MTG1: variants seen among roughly 807,000 people sequenced by gnomAD.
The protein encoded by MTG1 is mitochondrial ribosome-associated GTPase 1.
In MTG1, 30 loss-of-function variants were observed where a neutral mutation model predicts 39.5. That is an observed-to-expected ratio of 0.76 (90% CI 0.57 to 1.03). The LOEUF (loss-of-function observed/expected upper bound fraction) is 1.03, where lower values mean the gene tolerates loss of function less well. MTG1 is among the 50% of genes least tolerant of loss of function. The pLI is 0.00. For missense variants in MTG1, 513 were observed against 447.4 expected, an observed-to-expected ratio of 1.15 and a Z score of -1.32; for synonymous variants, 217 against 179.0, an observed-to-expected ratio of 1.21 and a Z score of -1.69.
intron 9 of MTG1, among the ~76,000 whole-genome samples, chr10:133,413,342 A>G (rs559982107): frequency 4.6e-5 from 7 of 151,342 alleles, no homozygotes; most frequent in East Asian, 3.9e-4. Context: ...TTGAACTCCT[A>G]ATCTCAGGTG....
At chr10:133,397,135 C>T (rs2133491746) in intron 3 of MTG1, among the ~76,000 whole-genome samples, 1 of 152,326 alleles carries the variant, frequency 6.6e-6, no homozygotes, top group Middle Eastern at 3.4e-3. Context: ...GATGTTCCAT[C>T]TTGTACACCT....
rs576101588 is a variant in MTG1, at chr10:133,404,387, A to G, written c.752+1614A>G. ...AGGGATCTGCCCGCCTCAGCCTCCC[A>G]AAGCATTAGGATTATAGGCATGAGG... On this transcript the variant is annotated intron_variant, in intron 9 of 10. Transcript: ENST00000317502. Among the ~76,000 whole-genome samples, 806 of 152,224 alleles carry G rather than the reference A, an allele frequency of 5.3e-3. 9 individuals are homozygous for G. The highest frequency in any genetic ancestry group is 0.018 in the African/African-American group (763 of 41,526).
Position 133,396,185 on chromosome 10 carries a change from C to T in MTG1, c.200C>T (p.Pro67Leu), listed in dbSNP as rs190130537. Residue 67 changes from proline to leucine, a missense_variant, in exon 3 of 11, where the codon CCT becomes CTT. By Grantham distance (98) the Pro-to-Leu change is moderately conservative (BLOSUM62 -3). Coordinates refer to ENST00000317502, the MANE Select transcript of MTG1 (RefSeq NM_138384.4). ...DARIPLSGRN[P>L]LFQETLGLKP... Reference sequence around the variant, plus strand: ...CACATCCCACTTTCAGGCCGCAACCCTCTGTTTCAGGAAACCCTTGGGCTT... The same window carrying T: ...CACATCCCACTTTCAGGCCGCAACCTTCTGTTTCAGGAAACCCTTGGGCTT... The T allele has an allele frequency of 7.4e-6, 12 of 1,614,172 alleles. No homozygotes were observed. The highest frequency in any genetic ancestry group is 6.7e-5 in the East Asian group (3 of 44,886).
chr10:133,410,695 C>T (rs565523652), intron 9 of MTG1, among the ~76,000 whole-genome samples: 1 of 152,264 alleles, frequency 6.6e-6, no homozygotes, highest in East Asian at 1.9e-4. Flanking sequence ...TTGCTGGAGC[C>T]CAGGAGTTTG....
intron 9 of MTG1, among the ~76,000 whole-genome samples, chr10:133,409,606 G>A (rs530644051): frequency 2.0e-4 from 31 of 151,408 alleles, no homozygotes; most frequent in Non-Finnish European, 4.0e-4. Flanking sequence ...AACACCCTAC[G>A]GAGAGGGGGT....
At chr10:133,410,926 C>T (rs1382741512) in intron 9 of MTG1, among the ~76,000 whole-genome samples, 1 of 152,012 alleles carries the variant, frequency 6.6e-6, no homozygotes, top group East Asian at 1.9e-4. Context: ...TTTATATTGG[C>T]TCTCTCTTTC....
chr10:133,394,326 G>A lies in MTG1; in HGVS notation c.106G>A (p.Ala36Thr), dbSNP rs979640264. The A allele has an allele frequency of 3.3e-6, 5 of 1,501,880 alleles. No individual in the cohort carries two copies. Among genetic ancestry groups the A allele is most frequent in the Non-Finnish European group, 3.5e-6 (4 of 1,129,948 alleles). 93.0% of individuals were successfully genotyped at this position (1,501,880 alleles called of 1,614,324 possible). A position where few individuals can be genotyped will look rare whatever the true frequency, so the allele number is the denominator to read the frequency against. Reference sequence around the variant, plus strand: ...GGCGCGCTGGTTCCCGGGCCACATGGCCAAGGGTGAGGCACGGCGGGGAGG... The same window carrying A: ...GGCGCGCTGGTTCCCGGGCCACATGACCAAGGGTGAGGCACGGCGGGGAGG... Reference protein sequence around the residue: ...DVARWFPGHMAKGLKKMQSSL... With the variant: ...DVARWFPGHMTKGLKKMQSSL... Residue 36 changes from alanine to threonine, a missense_variant, in exon 1 of 11, where the codon GCC becomes ACC. Transcript: ENST00000317502.
At chr10:133,396,105 GA>G (rs916529602) in intron 2 of MTG1, 57 bp from the exon 3 acceptor site, 40 of 1,525,608 alleles carry the variant, frequency 2.6e-5, no homozygotes, top group Non-Finnish European at 3.5e-5. Context: ...CTGATGGCAA[GA>G]AAAAAAGTTG....
rs757200997 is a variant in MTG1 at position 133,394,239 on chromosome 10, G to C, written c.19G>C (p.Ala7Pro). 2.7e-5 allele frequency: 41 copies of C among 1,514,242 alleles called. No individual in the cohort carries two copies. The highest frequency in any genetic ancestry group is 7.3e-5 in the South Asian group (6 of 81,902). 93.8% of individuals were successfully genotyped at this position (1,514,242 alleles called of 1,614,324 possible). Residue 7 changes from alanine to proline, a missense_variant, in exon 1 of 11, where the codon GCG becomes CCG. Ala to Pro is a conservative substitution (Grantham distance 27, BLOSUM62 -1). Coordinates refer to ENST00000317502, the MANE Select transcript of MTG1 (RefSeq NM_138384.4). ...TGCCGCCATGAGATTGACCCCGCGCGCGCTGTGCAGCGCCGCCCAGGCCGC... is the reference window on the plus strand; with the variant it reads ...TGCCGCCATGAGATTGACCCCGCGCCCGCTGTGCAGCGCCGCCCAGGCCGC... MRLTPR[A>P]LCSAAQAAWR...
chr10:133,399,459 G>T, intron 5 of MTG1, 70 bp from the exon 6 acceptor site: 1 of 1,497,168 alleles, frequency 6.7e-7, no homozygotes, highest in Non-Finnish European at 9.3e-7. Flanking sequence ...CCCTTGCCTG[G>T]GTGGGGTTGC....
At chr10:133,403,851 A>C (rs1247041142) in intron 9 of MTG1, among the ~76,000 whole-genome samples, 1 of 152,158 alleles carries the variant, frequency 6.6e-6, no homozygotes, top group Non-Finnish European at 1.5e-5. Flanking sequence ...AGAAACCGCC[A>C]CATTGTTTTC....
Position 133,421,344 on chromosome 10 carries a change from C to T in MTG1, c.*1179C>T, listed in dbSNP as rs2297033. The T allele has an allele frequency of 0.23, 34,893 of 153,306 alleles. 4,202 individuals carry two copies. Among genetic ancestry groups the T allele is most frequent in the East Asian group, 0.34 (1,742 of 5,180 alleles). The allele number at this position is 153,306 out of a possible 1,614,324, so 9.5% of individuals were successfully genotyped here. A position where few individuals can be genotyped will look rare whatever the true frequency, so the allele number is the denominator to read the frequency against. ...CACGAAGTGTCCATCATAACTGGAACATTCCATCAGCTTGCAGTGCTGTGG... is the reference window on the plus strand; with the variant it reads ...CACGAAGTGTCCATCATAACTGGAATATTCCATCAGCTTGCAGTGCTGTGG... On this transcript the variant is annotated 3_prime_UTR_variant, in exon 11 of 11. Transcript: ENST00000317502.
At chr10:133,416,020 T>C (rs115836578) in intron 9 of MTG1, among the ~76,000 whole-genome samples, 13,905 of 89,806 alleles carry the variant, frequency 0.15, 640 homozygotes, top group Middle Eastern at 0.22. Context: ...GTCGGGCACG[T>C]GGGTGTCGGG....
intron 9 of MTG1, among the ~76,000 whole-genome samples, chr10:133,409,998 T>C (rs76970360): frequency 0.1 from 15,855 of 151,960 alleles, 1,030 homozygotes; most frequent in African/African-American, 0.18. Flanking sequence ...CGGTTTCTTA[T>C]AGGTAGCATA....
intron 3 of MTG1, 54 bp from the exon 4 acceptor site, chr10:133,398,381 C>CA: frequency 6.4e-7 from 1 of 1,571,902 alleles, no homozygotes; most frequent in Non-Finnish European, 8.7e-7. Context: ...GCCTGGGTGA[C>CA]AGAGCCAAGA....
intron 6 of MTG1, among the ~76,000 whole-genome samples, chr10:133,400,145 T>C (rs1849851947): frequency 6.6e-6 from 1 of 151,944 alleles, no homozygotes; most frequent in Non-Finnish European, 1.5e-5. Context: ...TGAGTTGAGA[T>C]TGTGCCACTG....
Position 133,402,328 on chromosome 10 carries a change from C to T in MTG1, c.670+83C>T, listed in dbSNP as rs544083330. ...TTTAGGGCTGGCTTTGGCACAGGGC[C>T]CCTAGACGGGAGTTGTTACTGCCTT... On this transcript the variant is annotated intron_variant, in intron 8 of 10. Transcript: ENST00000317502. The surrounding 1 kb of genome is among the most constrained non-coding windows in gnomAD (Gnocchi z 4.7). 6.5e-5 allele frequency: 99 copies of T among 1,528,200 alleles called. 2 individuals are homozygous for T. The South Asian group carries it at 1.1e-3, about 17-fold the overall frequency. The allele number at this position is 1,528,200 out of a possible 1,614,324, so 94.7% of individuals were successfully genotyped here. A position where few individuals can be genotyped will look rare whatever the true frequency, so the allele number is the denominator to read the frequency against.
At chr10:133,395,105 C>T (rs993973675) in intron 1 of MTG1, among the ~76,000 whole-genome samples, 4 of 152,134 alleles carry the variant, frequency 2.6e-5, no homozygotes, top group Non-Finnish European at 1.5e-5. Flanking sequence ...AGATTAAGAC[C>T]CGTGGAAGGG....
chr10:133,397,779 G>GAT (rs1849808340), intron 3 of MTG1, among the ~76,000 whole-genome samples: 1 of 139,488 alleles, frequency 7.2e-6, no homozygotes, highest in Non-Finnish European at 1.5e-5. Context: ...CGTCCAGCCT[G>GAT]TTTTTTTTTT....
Sources: allele counts gnomAD v4.1 joint callset (sites outside exome capture counted in the v4.1 genomes callset), GRCh38; gene constraint gnomAD v4.1.1; non-coding constraint Gnocchi (gnomAD v3.1); transcripts MANE v1.5; gene names NCBI Gene and HGNC (gene_info 2026-07-23, HGNC 2026-07-21).